Variants in MAGI1 observed in about 807,000 individuals in gnomAD.
The protein encoded by MAGI1 is membrane-associated guanylate kinase, WW and PDZ domain-containing protein 1.
Under a neutral mutation model 139.9 loss-of-function variants are expected in MAGI1, and 58 were observed. The ratio of observed to expected loss-of-function variants is 0.41; its 90% CI spans 0.34 to 0.52. MAGI1 has a LOEUF of 0.52. Among genes scored for constraint, MAGI1 ranks in the 20% least tolerant of loss-of-function variants. The pLI is 0.12. For synonymous variants in MAGI1, 812 were observed against 737.9 expected (o/e 1.10, Z -1.63); for missense variants, 1,874 against 1,901.6 (o/e 0.99, Z 0.27).
rs958604557 is a variant in MAGI1 at position 65,639,974 on chromosome 3, C to A, written c.314-17886G>T. On this transcript the variant is annotated intron_variant, in intron 1 of 22. Coordinates refer to ENST00000402939, the MANE Select transcript of MAGI1 (RefSeq NM_001033057.2). ...CCAAGATCGTAGCCTGGGCAACAAG[C>A]GCAAAACTCCGTCTCAAAAAAAAAA... Among the ~76,000 whole-genome samples the A allele has an allele frequency of 3.5e-5, 5 of 143,830 alleles. No individual in the cohort carries two copies. The South Asian group carries it at 1.1e-3, about 32-fold the overall frequency. 94.4% of individuals were successfully genotyped at this position (143,830 alleles called of 152,430 possible).
At chr3:65,701,705 T>A (rs1452907961) in intron 1 of MAGI1, among the ~76,000 whole-genome samples, 1 of 152,206 alleles carries the variant, frequency 6.6e-6, no homozygotes, top group Admixed American at 6.5e-5. Context: ...AAGAACTTCA[T>A]TTGCCAAGAA....
chr3:65,967,743 T>C (rs765404841), intron 1 of MAGI1, among the ~76,000 whole-genome samples: 3 of 152,214 alleles, frequency 2.0e-5, no homozygotes. Flanking sequence ...TGTCTTTAAG[T>C]ACTGGCAAGC....
rs1378825970 is a variant in MAGI1 at position 65,602,033 on chromosome 3, TC to T, written c.430+19938del. On this transcript the variant is annotated intron_variant, in intron 2 of 22. Transcript: ENST00000402939. ...TCAACAAATCAAAACCACAATGACATCCCATTCATACCCACTAAAATGGCTA... is the reference window on the plus strand; with the variant it reads ...TCAACAAATCAAAACCACAATGACATCCATTCATACCCACTAAAATGGCTA... Among the ~76,000 whole-genome samples the T allele has an allele frequency of 3.3e-5, 5 of 152,050 alleles. 1 individual carries two copies. Among genetic ancestry groups the T allele is most frequent in the Admixed American group, 3.3e-4 (5 of 15,264 alleles).
At chr3:65,882,769 C>A (rs552664150) in intron 1 of MAGI1, among the ~76,000 whole-genome samples, 42 of 151,694 alleles carry the variant, frequency 2.8e-4, no homozygotes, top group Admixed American at 2.8e-3. Context: ...CCCATCTCTA[C>A]AGAATATCAG....
intron 1 of MAGI1, among the ~76,000 whole-genome samples, chr3:65,811,309 A>T (rs1270949562): frequency 6.6e-6 from 1 of 152,226 alleles, no homozygotes. Context: ...CCCCGGTAAG[A>T]GGCTAGGAGA....
chr3:65,769,709 T>G (rs891829839), intron 1 of MAGI1, among the ~76,000 whole-genome samples: 3 of 152,184 alleles, frequency 2.0e-5, no homozygotes, highest in African/African-American at 7.2e-5. Flanking sequence ...TGATAACACG[T>G]GTCTCTGGAC....
At chr3:65,881,897 G>C (rs1297170035) in intron 1 of MAGI1, among the ~76,000 whole-genome samples, 2 of 152,140 alleles carry the variant, frequency 1.3e-5, no homozygotes, top group African/African-American at 4.8e-5. Context: ...AAAGCCAGTA[G>C]AGGAAACGGC....
intron 3 of MAGI1, among the ~76,000 whole-genome samples, chr3:65,490,861 A>AAAAAAG (rs1553652878): frequency 9.3e-5 from 14 of 149,836 alleles, no homozygotes; most frequent in East Asian, 4.0e-4. Flanking sequence ...AAAAAAAGAA[A>AAAAAAG]AAAGAAAGAA....
At chr3:65,678,748 T>G (rs2087364561) in intron 1 of MAGI1, among the ~76,000 whole-genome samples, 1 of 152,204 alleles carries the variant, frequency 6.6e-6, no homozygotes. Context: ...CAGCCTGTTG[T>G]GTTCACGCTC....
chr3:65,690,546 G>A (rs189573882), intron 1 of MAGI1, among the ~76,000 whole-genome samples: 2 of 151,826 alleles, frequency 1.3e-5, no homozygotes, highest in Admixed American at 1.3e-4. Context: ...TCACAATCTC[G>A]ATTCACTACA....
At chr3:65,389,144 C>T (rs17417167) in intron 14 of MAGI1, among the ~76,000 whole-genome samples, 47,609 of 151,942 alleles carry the variant, frequency 0.31, 9,971 homozygotes, top group Non-Finnish European at 0.47. Context: ...CGCCTGGCCC[C>T]GAATATTTCA....
chr3:65,509,266 C>G (rs946709183), intron 2 of MAGI1, among the ~76,000 whole-genome samples: 1 of 152,256 alleles, frequency 6.6e-6, no homozygotes, highest in East Asian at 1.9e-4. Context: ...CAACACATAA[C>G]ATATGTTACA....
intron 1 of MAGI1, among the ~76,000 whole-genome samples, chr3:65,968,775 C>T (rs2107162040): frequency 6.6e-6 from 1 of 152,066 alleles, no homozygotes; most frequent in Non-Finnish European, 1.5e-5. Context: ...AGTTTTCTCA[C>T]TTTAAATTAC....
chr3:65,816,880 CTT>C (rs1038740802), intron 1 of MAGI1, among the ~76,000 whole-genome samples: 1 of 151,990 alleles, frequency 6.6e-6, no homozygotes, highest in Non-Finnish European at 1.5e-5. Flanking sequence ...AAAAGAATCT[CTT>C]CTTTCATCTT....
At chr3:65,563,479 A>G (rs1313452047) in intron 2 of MAGI1, among the ~76,000 whole-genome samples, 1 of 152,176 alleles carries the variant, frequency 6.6e-6, no homozygotes, top group Non-Finnish European at 1.5e-5. Flanking sequence ...AAAGACATTA[A>G]AACTTCCAAC....
rs571793424 is a variant in MAGI1 at position 66,030,015 on chromosome 3, G to A, written c.313+7981C>T. Among the ~76,000 whole-genome samples, 6 of 152,212 alleles carry A rather than the reference G, an allele frequency of 3.9e-5. No individual in the cohort carries two copies. In the South Asian group the frequency reaches 1.2e-3, roughly 32 times the overall value. ...AAGTCAAGGACCTCTTCCATGCAGG[G>A]AAACCTAAAATTGGAAATGTGACCT... is the stretch of plus-strand genomic sequence containing the variant. On this transcript the variant is annotated intron_variant, in intron 1 of 22. Coordinates refer to ENST00000402939, the MANE Select transcript of MAGI1 (RefSeq NM_001033057.2).
chr3:65,695,340 G>A (rs927248146), intron 1 of MAGI1, among the ~76,000 whole-genome samples: 2 of 152,152 alleles, frequency 1.3e-5, no homozygotes, highest in Admixed American at 6.5e-5. Context: ...GTCCCAGGGA[G>A]GTAAGACTTG....
intron 1 of MAGI1, among the ~76,000 whole-genome samples, chr3:65,747,203 T>G (rs997194268): frequency 6.6e-6 from 1 of 152,244 alleles, no homozygotes; most frequent in African/African-American, 2.4e-5. Context: ...GTTCTCAAAC[T>G]GTGTTTAGGG....
chr3:65,811,272 C>T lies in MAGI1; in HGVS notation c.314-189184G>A, dbSNP rs184603881. Among the ~76,000 whole-genome samples the T allele has an allele frequency of 2.0e-3, 312 of 152,326 alleles. 2 individuals are homozygous for T. The highest frequency in any genetic ancestry group is 3.1e-3 in the Non-Finnish European group (211 of 68,030). On this transcript the variant is annotated intron_variant, in intron 1 of 22. Transcript: ENST00000402939. Reference sequence around the variant, plus strand: ...CCCAGCCTCTACTGACATGAACAAACAATGAAAGACTATATTCACTGACAT... The same window carrying T: ...CCCAGCCTCTACTGACATGAACAAATAATGAAAGACTATATTCACTGACAT...
Sources: allele counts gnomAD v4.1 joint callset (sites outside exome capture counted in the v4.1 genomes callset), GRCh38; gene constraint gnomAD v4.1.1; transcripts MANE v1.5; gene names NCBI Gene and HGNC (gene_info 2026-07-23, HGNC 2026-07-21).